CDC123: variants seen among roughly 807,000 people sequenced by gnomAD.
CDC123 encodes cell division cycle 123, also known as translation initiation factor eIF2 assembly protein.
In CDC123, 37 loss-of-function variants were observed where a neutral mutation model predicts 54.4. That is an observed-to-expected ratio of 0.68 (90% CI 0.52 to 0.89). The LOEUF is 0.89. CDC123 is among the 40% of genes least tolerant of loss of function. The pLI, the probability that CDC123 is intolerant of heterozygous loss-of-function variation, is 0.00. For missense variants in CDC123, 361 were observed against 412.1 expected (o/e 0.88, Z 1.07); for synonymous variants, 144 against 136.8 (o/e 1.05, Z -0.37).
In CDC123 at chr10:12,224,462, C is replaced by A. The variant is rs559682239; in HGVS notation, c.441-6486C>A. On this transcript the variant is annotated intron_variant, in intron 6 of 12. Transcript: ENST00000281141. ...GCTTTTTTTTTCTTTGGAATAAAAT[C>A]TTTGCTATTATTATACCTGAGAATT... 7.2e-5 allele frequency among the ~76,000 whole-genome samples: 11 copies of A among 151,800 alleles called. No homozygotes were observed. In the East Asian group the frequency reaches 1.7e-3, roughly 24 times the overall value.
chr10:12,218,120 T>C (rs1425804121), intron 6 of CDC123, among the ~76,000 whole-genome samples: 1 of 152,090 alleles, frequency 6.6e-6, no homozygotes, highest in African/African-American at 2.4e-5. Context: ...GCACTCATGA[T>C]CTTGCCACAA....
At chr10:12,202,332 T>C (rs1835450474) in intron 2 of CDC123, among the ~76,000 whole-genome samples, 1 of 152,212 alleles carries the variant, frequency 6.6e-6, no homozygotes, top group Non-Finnish European at 1.5e-5. Flanking sequence ...GTATGTATTC[T>C]TTTATGTCTG....
rs1379941706 is a variant in CDC123 at position 12,246,136 on chromosome 10, C to G, written c.718-13C>G. 2.5e-6 allele frequency: 4 copies of G among 1,606,926 alleles called. No homozygotes were observed. The Admixed American group carries it at 5.2e-5, about 21-fold the overall frequency. ...AGATGTTTGTTTTTGTTTTTTCTCT[C>G]TCTGTGCTACAGGGGAAGGTGTGGC... On this transcript the variant is annotated splice_polypyrimidine_tract_variant and intron_variant, in intron 10 of 12. Coordinates refer to ENST00000281141, the MANE Select transcript of CDC123 (RefSeq NM_006023.3).
chr10:12,200,707 T>G (rs1249208804), intron 2 of CDC123, among the ~76,000 whole-genome samples: 1 of 151,808 alleles, frequency 6.6e-6, no homozygotes, highest in East Asian at 2.0e-4. Flanking sequence ...CCGAGTTGGG[T>G]GGATCACCTG....
intron 2 of CDC123, among the ~76,000 whole-genome samples, chr10:12,200,687 C>T (rs1176083619): frequency 6.6e-6 from 1 of 151,970 alleles, no homozygotes; most frequent in Non-Finnish European, 1.5e-5. Flanking sequence ...AATCCCAGCA[C>T]TTTGGGAGGC....
intron 10 of CDC123, among the ~76,000 whole-genome samples, chr10:12,238,849 G>A (rs575963747): frequency 1.3e-5 from 2 of 152,072 alleles, no homozygotes; most frequent in South Asian, 4.2e-4. Flanking sequence ...GTGAAACTCC[G>A]TCTCTACTAA....
At chr10:12,201,197 A>C (rs1835435013) in intron 2 of CDC123, among the ~76,000 whole-genome samples, 2 of 152,268 alleles carry the variant, frequency 1.3e-5, no homozygotes. Context: ...GGTCATTGCA[A>C]AGATACAAAG....
chr10:12,231,024 G>A (rs200671603), intron 7 of CDC123, 28 bp downstream of exon 7: 1 of 1,564,552 alleles, frequency 6.4e-7, no homozygotes, highest in Admixed American at 1.8e-5. Context: ...TTTGATAATT[G>A]TAGATGAAGA....
At chr10:12,218,142 A>G (rs1301615372) in intron 6 of CDC123, among the ~76,000 whole-genome samples, 2 of 151,854 alleles carry the variant, frequency 1.3e-5, no homozygotes, top group Non-Finnish European at 2.9e-5. Context: ...TGGTTATTAT[A>G]TTTCTAGAAT....
At chr10:12,235,019 A>G (rs1431014851) in intron 7 of CDC123, 29 bp from the exon 8 acceptor site, 3 of 1,560,082 alleles carry the variant, frequency 1.9e-6, no homozygotes, top group Non-Finnish European at 2.7e-6. Context: ...TAGGTGTGTT[A>G]TATTAAATAT....
In CDC123 at chr10:12,250,342, C is replaced by T. The variant is rs765741172; in HGVS notation, c.*5C>T. 17 of 1,602,260 alleles carry T rather than the reference C, an allele frequency of 1.1e-5. No homozygotes were observed. The highest frequency in any genetic ancestry group is 1.4e-5 in the Non-Finnish European group (16 of 1,170,452). On this transcript the variant is annotated 3_prime_UTR_variant, in exon 13 of 13. Coordinates refer to ENST00000281141, the MANE Select transcript of CDC123 (RefSeq NM_006023.3). The stretch of plus-strand genomic sequence containing the variant: ...AATCAGCAGGAGGACGACTGATGAG[C>T]GTACTGGAACTGGAGAAGAGGAGGC...
chr10:12,225,579 A>G (rs1379199507), intron 6 of CDC123, among the ~76,000 whole-genome samples: 1 of 152,090 alleles, frequency 6.6e-6, no homozygotes, highest in Non-Finnish European at 1.5e-5. Context: ...TAGTTAACTG[A>G]ATATAAAGAC....
chr10:12,231,454 A>T (rs925128008), intron 7 of CDC123, among the ~76,000 whole-genome samples: 2 of 151,982 alleles, frequency 1.3e-5, no homozygotes, highest in African/African-American at 2.4e-5. Context: ...GAAACCCCGC[A>T]TCTCTACTAA....
chr10:12,229,930 CT>C (rs1835874966), intron 6 of CDC123, among the ~76,000 whole-genome samples: 1 of 152,190 alleles, frequency 6.6e-6, no homozygotes, highest in Non-Finnish European at 1.5e-5. Flanking sequence ...GCTGGCTCCA[CT>C]GTAAGATGCA....
intron 6 of CDC123, among the ~76,000 whole-genome samples, chr10:12,220,864 C>G (rs944717171): frequency 6.6e-6 from 1 of 152,000 alleles, no homozygotes. Context: ...GCAGTCCTAG[C>G]TACTCGGGAG....
chr10:12,207,275 T>C (rs1277026882), intron 2 of CDC123, among the ~76,000 whole-genome samples: 1 of 152,162 alleles, frequency 6.6e-6, no homozygotes, highest in Non-Finnish European at 1.5e-5. Flanking sequence ...TTCTATTGAA[T>C]TTTAAAATTT....
intron 6 of CDC123, among the ~76,000 whole-genome samples, chr10:12,228,462 G>A (rs556001357): frequency 6.7e-5 from 10 of 149,486 alleles, no homozygotes; most frequent in Non-Finnish European, 1.3e-4. Context: ...CTGGAGTGCA[G>A]TGGCGCAATC....
chr10:12,232,072 C>G (rs1344247136), intron 7 of CDC123, among the ~76,000 whole-genome samples: 1 of 152,086 alleles, frequency 6.6e-6, no homozygotes, highest in East Asian at 1.9e-4. Context: ...GTCTCGAACT[C>G]CTGACCTCAA....
intron 6 of CDC123, among the ~76,000 whole-genome samples, chr10:12,226,174 C>A (rs983609983): frequency 1.3e-5 from 2 of 152,208 alleles, no homozygotes; most frequent in African/African-American, 4.8e-5. Context: ...TACACAGACA[C>A]AGCAACAATC....
Sources: gnomAD v4.1 joint callset for allele counts (sites outside exome capture counted in the v4.1 genomes callset) on GRCh38, gnomAD v4.1.1 for gene constraint, MANE v1.5 for transcripts, NCBI Gene and HGNC (gene_info 2026-07-23, HGNC 2026-07-21) for gene names.